Variants in CCDC14 observed in about 807,000 individuals in gnomAD.
The protein encoded by CCDC14 is coiled-coil domain containing 14, also known as coiled-coil domain-containing protein 14.
In CCDC14, 71 loss-of-function variants were observed where a neutral mutation model predicts 81.4. The observed-to-expected ratio is 0.87, with a 90% CI of 0.72 to 1.06. The LOEUF (loss-of-function observed/expected upper bound fraction) is 1.06. CCDC14 is among the 50% of genes least tolerant of loss of function. The pLI is 0.00. For synonymous variants in CCDC14, 332 were observed against 364.8 expected, an observed-to-expected ratio of 0.91 and a Z score of 1.03; for missense variants, 1,046 against 1,047.3, an observed-to-expected ratio of 1.00 and a Z score of 0.02.
intron 5 of CCDC14, among the ~76,000 whole-genome samples, chr3:123,908,299 C>T (rs188583247): frequency 9.1e-4 from 139 of 152,246 alleles, no homozygotes; most frequent in African/African-American, 2.9e-3. Flanking sequence ...TCTTTGAGAT[C>T]GTATCTCCTC....
In CCDC14 at chr3:123,914,428, C is replaced by T; in HGVS notation, c.*351G>A. 1 of 990,630 alleles carries T rather than the reference C, an allele frequency of 1.0e-6. No homozygotes were observed. The highest frequency in any genetic ancestry group is 1.2e-6 in the Non-Finnish European group (1 of 833,786). 61.4% of individuals were successfully genotyped at this position (990,630 alleles called of 1,614,324 possible). On this transcript the variant is annotated 3_prime_UTR_variant, in exon 13 of 13. Transcript: ENST00000409697. ...ACAGAAAAACTTACATCCAGAGATT[C>T]TTTTCCCATTATTTCTTAGGACAGC...
At chr3:123,894,551 T>C (rs2034033132), downstream of CCDC14, among the ~76,000 whole-genome samples, 1 of 152,230 alleles carries the variant, frequency 6.6e-6, no homozygotes, top group South Asian at 2.1e-4. Flanking sequence ...GGTAATACTG[T>C]CATCATAACA....
At chr3:123,927,477 C>A (rs1238004674) in intron 12 of CCDC14, among the ~76,000 whole-genome samples, 1 of 152,060 alleles carries the variant, frequency 6.6e-6, no homozygotes, top group Non-Finnish European at 1.5e-5. Context: ...GAAGCTGTTT[C>A]TAAATCTTTA....
downstream of CCDC14, among the ~76,000 whole-genome samples, chr3:123,895,464 T>G (rs1442809484): frequency 1.3e-5 from 2 of 152,198 alleles, no homozygotes; most frequent in Admixed American, 6.5e-5. Context: ...GGGCTGAGGC[T>G]AAAAGTCTGC....
chr3:123,895,846 G>C (rs2034052964), downstream of CCDC14, among the ~76,000 whole-genome samples: 3 of 152,156 alleles, frequency 2.0e-5, no homozygotes, highest in Admixed American at 2.0e-4. Flanking sequence ...CAACATTACG[G>C]AAAACAGTTT....
downstream of CCDC14, among the ~76,000 whole-genome samples, chr3:123,910,361 T>A (rs779237263): frequency 6.6e-6 from 1 of 152,054 alleles, no homozygotes; most frequent in Non-Finnish European, 1.5e-5. Flanking sequence ...ACATCTGAAG[T>A]TCATTGCTGG....
chr3:123,905,852 G>A (rs959209976), intron 5 of CCDC14, among the ~76,000 whole-genome samples: 5 of 152,190 alleles, frequency 3.3e-5, no homozygotes, highest in Admixed American at 1.3e-4. Context: ...GACCAGAGAG[G>A]CCTGAATTTA....
At chr3:123,946,683 A>C in intron 8 of CCDC14, 120 bp downstream of exon 8, 1 of 988,530 alleles carries the variant, frequency 1.0e-6, no homozygotes, top group Non-Finnish European at 1.5e-6. Flanking sequence ...TCATTTTCTT[A>C]TTAGCTCAAA....
chr3:123,948,574 T>C, intron 7 of CCDC14, 117 bp downstream of exon 7: 1 of 851,950 alleles, frequency 1.2e-6, no homozygotes, highest in Non-Finnish European at 1.8e-6. Flanking sequence ...CAAAAAAAAA[T>C]AAACAACTGG....
Position 123,914,365 on chromosome 3 carries a change from A to C in CCDC14, c.*414T>G. ...TAAAAACACATTGCTATTAAAAAAAAGTATATGTAAACAGAAAAAAAAAAC... is the reference window on the plus strand; with the variant it reads ...TAAAAACACATTGCTATTAAAAAAACGTATATGTAAACAGAAAAAAAAAAC... On this transcript the variant is annotated 3_prime_UTR_variant, in exon 13 of 13. Transcript: ENST00000409697. 4.1e-6 allele frequency: 4 copies of C among 985,182 alleles called. No homozygotes were observed. Among genetic ancestry groups the C allele is most frequent in the Non-Finnish European group, 4.8e-6 (4 of 829,606 alleles). 61.0% of individuals were successfully genotyped at this position (985,182 alleles called of 1,614,324 possible).
intron 5 of CCDC14, among the ~76,000 whole-genome samples, chr3:123,901,881 G>C (rs1450061825): frequency 6.6e-6 from 1 of 152,086 alleles, no homozygotes; most frequent in African/African-American, 2.4e-5. Flanking sequence ...CTAATGAGTA[G>C]TATCAAAAGG....
chr3:123,951,278 G>T (rs2037003551), intron 5 of CCDC14, among the ~76,000 whole-genome samples: 1 of 152,100 alleles, frequency 6.6e-6, no homozygotes, highest in Non-Finnish European at 1.5e-5. Flanking sequence ...CCAAATAGCT[G>T]CACTCTTACA....
chr3:123,951,713 T>C (rs1404836484), intron 5 of CCDC14, among the ~76,000 whole-genome samples: 1 of 152,200 alleles, frequency 6.6e-6, no homozygotes, highest in Non-Finnish European at 1.5e-5. Context: ...TTTACTTTCT[T>C]TTCAAGGCGT....
intron 12 of CCDC14, among the ~76,000 whole-genome samples, chr3:123,924,973 A>G (rs1429316746): frequency 6.6e-6 from 1 of 151,692 alleles, no homozygotes; most frequent in Non-Finnish European, 1.5e-5. Flanking sequence ...ACACACACAC[A>G]CACACATCTA....
intron 12 of CCDC14, among the ~76,000 whole-genome samples, chr3:123,926,741 G>A (rs895233787): frequency 1.3e-5 from 2 of 152,002 alleles, no homozygotes; most frequent in African/African-American, 4.8e-5. Flanking sequence ...TATTTCTTTA[G>A]ACCTTGTACA....
chr3:123,933,636 C>G, intron 10 of CCDC14, 37 bp downstream of exon 10: 1 of 1,410,564 alleles, frequency 7.1e-7, no homozygotes, highest in Non-Finnish European at 9.8e-7. Context: ...TCCGGAGCCA[C>G]AAATAATTTA....
intron 1 of CCDC14, chr3:123,957,017 T>C (rs1232442883): frequency 8.8e-6 from 3 of 341,484 alleles, no homozygotes; most frequent in Non-Finnish European, 1.6e-5. Context: ...TTTATATAAC[T>C]GAAATAATAC....
At chr3:123,887,511 T>G in the CCDC14 span, among the ~76,000 whole-genome samples, 1 of 151,898 alleles carries the variant, frequency 6.6e-6, no homozygotes, top group Non-Finnish European at 1.5e-5. Flanking sequence ...AAGTGGCTTA[T>G]AAACAAGAAA....
the CCDC14 span, among the ~76,000 whole-genome samples, chr3:123,888,491 T>A: frequency 6.6e-6 from 1 of 152,240 alleles, no homozygotes; most frequent in Admixed American, 6.5e-5. Flanking sequence ...CTCTTCTTTT[T>A]CTTTCAACTT....
Sources: allele counts gnomAD v4.1 joint callset (sites outside exome capture counted in the v4.1 genomes callset), GRCh38; gene constraint gnomAD v4.1.1; transcripts MANE v1.5; gene names NCBI Gene and HGNC (gene_info 2026-07-23, HGNC 2026-07-21).